MLXIP: variants seen among roughly 807,000 people sequenced by gnomAD.
MLXIP encodes MLX-interacting protein.
In MLXIP, 30 loss-of-function variants were observed where a neutral mutation model predicts 87.2. The observed-to-expected ratio is 0.34, with a 90% CI of 0.26 to 0.47. MLXIP has a LOEUF of 0.47. Ranked by LOEUF, MLXIP falls within the 20% of genes least tolerant of loss-of-function variation. The pLI is 1.00. For missense variants in MLXIP, 1,002 were observed against 1,240.1 expected, an observed-to-expected ratio of 0.81 and a Z score of 2.88; for synonymous variants, 530 against 514.0, an observed-to-expected ratio of 1.03 and a Z score of -0.42.
At chr12:122,117,446 TC>T (rs1952709664) in intron 1 of MLXIP, among the ~76,000 whole-genome samples, 1 of 152,226 alleles carries the variant, frequency 6.6e-6, no homozygotes, top group African/African-American at 2.4e-5. Context: ...CAGGCCCACA[TC>T]CCAGGACTAG....
chr12:122,126,129 G>A (rs746168568), intron 1 of MLXIP, among the ~76,000 whole-genome samples: 20 of 152,152 alleles, frequency 1.3e-4, no homozygotes, highest in Non-Finnish European at 2.2e-4. Context: ...AACCCTATGC[G>A]GGCTGCCCAG....
At chr12:122,124,900 C>T (rs1952855754) in intron 1 of MLXIP, among the ~76,000 whole-genome samples, 1 of 152,090 alleles carries the variant, frequency 6.6e-6, no homozygotes, top group Non-Finnish European at 1.5e-5. Flanking sequence ...GGCTTGGTGG[C>T]TCACGCCTGT....
At chr12:122,134,375 G>T (rs1953044552) in intron 9 of MLXIP, 3 of 201,928 alleles carry the variant, frequency 1.5e-5, no homozygotes, top group Non-Finnish European at 3.0e-5. Context: ...TTGTTTGTTT[G>T]TTTGTTTTTT....
At chr12:122,116,797 G>A (rs1377844893) in intron 1 of MLXIP, among the ~76,000 whole-genome samples, 1 of 152,240 alleles carries the variant, frequency 6.6e-6, no homozygotes, top group African/African-American at 2.4e-5. Context: ...GTCCAGTGTG[G>A]TGGATGTGGT....
intron 1 of MLXIP, among the ~76,000 whole-genome samples, chr12:122,108,387 AAGAC>A (rs1176466758): frequency 3.3e-5 from 5 of 151,654 alleles, no homozygotes; most frequent in African/African-American, 4.8e-5. Context: ...AAAAAAAAAA[AAGAC>A]AGAATTAGAT....
At chr12:122,117,776 T>C (rs990535243) in intron 1 of MLXIP, among the ~76,000 whole-genome samples, 7 of 152,190 alleles carry the variant, frequency 4.6e-5, no homozygotes, top group Admixed American at 4.6e-4. Context: ...CTGTATACAG[T>C]ACATTTTTTT....
At chr12:122,105,681 G>A (rs28972353) in intron 1 of MLXIP, among the ~76,000 whole-genome samples, 3 of 151,898 alleles carry the variant, frequency 2.0e-5, no homozygotes, top group Non-Finnish European at 4.4e-5. Flanking sequence ...GTACAAAAGA[G>A]GTATCTCTCA....
chr12:122,094,895 AGT>A (rs1447361040), intron 1 of MLXIP, among the ~76,000 whole-genome samples: 7 of 101,620 alleles, frequency 6.9e-5, no homozygotes, highest in African/African-American at 4.1e-5. Flanking sequence ...ACGTATGGGG[AGT>A]GTGTGGGTAT....
Position 122,142,103 on chromosome 12 carries a change from C to T in MLXIP, c.*291C>T, listed in dbSNP as rs11836471. On this transcript the variant is annotated 3_prime_UTR_variant, in exon 17 of 17. Coordinates refer to ENST00000319080, the MANE Select transcript of MLXIP (RefSeq NM_014938.6). Reference sequence around the variant, plus strand: ...GCCCACACAAAAGGGAAGTGCTGGCCGTGCTGGTCCTGCCCTGCTGGTGGC... The same window carrying T: ...GCCCACACAAAAGGGAAGTGCTGGCTGTGCTGGTCCTGCCCTGCTGGTGGC... 68 of 697,996 alleles carry T rather than the reference C, an allele frequency of 9.7e-5. No individual in the cohort carries two copies. The highest frequency in any genetic ancestry group is 7.2e-4 in the African/African-American group (41 of 57,288). The allele number at this position is 697,996 out of a possible 1,614,324, so 43.2% of individuals were successfully genotyped here.
Position 122,130,092 on chromosome 12 carries a change from G to C in MLXIP, c.890G>C (p.Trp297Ser), listed in dbSNP as rs1299983341. ...CTTTCTTCACACCAGCCGGTGGCCT[G>C]GCCCAATCCCCGGGAAATAGGTAAC... The part of the protein sequence containing the change: ...STLSSHQPVA[W>S]PNPREIAHLG... The change falls in exon 6 of 17, where the codon TGG becomes TCG. Residue 297 changes from tryptophan to serine, a missense_variant. Transcript: ENST00000319080. The C allele has an allele frequency of 6.2e-7, 1 of 1,613,816 alleles. No homozygotes were observed. The highest frequency in any genetic ancestry group is 1.7e-5 in the Admixed American group (1 of 60,000).
In MLXIP at chr12:122,119,592, C is replaced by T. The variant is rs1486592303; in HGVS notation, c.414-7664C>T. On this transcript the variant is annotated intron_variant, in intron 1 of 16. Coordinates refer to ENST00000319080, the MANE Select transcript of MLXIP (RefSeq NM_014938.6). ...ATTTTTAGTAGAGATGGGGTTTCAC[C>T]GTGTTAGCCAGGATGGTCTCGATCT... Among the ~76,000 whole-genome samples, 5 of 152,150 alleles carry T rather than the reference C, an allele frequency of 3.3e-5. 1 individual carries two copies. The South Asian group carries it at 8.3e-4, about 25-fold the overall frequency.
chr12:122,118,318 G>T lies in MLXIP; in HGVS notation c.414-8938G>T, dbSNP rs1403700712. ...ATTTTCAGACAGCGGTTGATCATGG[G>T]TAAAGCACAATACCGCAGAAAAGGG... On this transcript the variant is annotated intron_variant, in intron 1 of 16. Coordinates refer to ENST00000319080, the MANE Select transcript of MLXIP (RefSeq NM_014938.6). Among the ~76,000 whole-genome samples, 3 of 152,324 alleles carry T rather than the reference G, an allele frequency of 2.0e-5. No individual in the cohort carries two copies. In the South Asian group the frequency reaches 6.2e-4, roughly 32 times the overall value.
At chr12:122,130,290 G>A (rs546301516) in intron 6 of MLXIP, 178 bp downstream of exon 6, 34 of 226,454 alleles carry the variant, frequency 1.5e-4, no homozygotes, top group Middle Eastern at 2.0e-3. Context: ...CGCACGTACC[G>A]AGTGGGTGGG....
rs763412914 is a variant in MLXIP, at chr12:122,130,943, A to G, written c.1000+10A>G. On this transcript the variant is annotated intron_variant, in intron 7 of 16. Transcript: ENST00000319080. ...TTTGAGCCTTTCCAGGGTGAGGACCAGAGGCAGAGAGAGCACGGTTGCCTC... is the reference window on the plus strand; with the variant it reads ...TTTGAGCCTTTCCAGGGTGAGGACCGGAGGCAGAGAGAGCACGGTTGCCTC... The G allele has an allele frequency of 6.3e-7, 1 of 1,587,934 alleles. No individual in the cohort carries two copies.
chr12:122,091,038 G>A (rs1302027601), intron 1 of MLXIP, among the ~76,000 whole-genome samples: 3 of 152,106 alleles, frequency 2.0e-5, no homozygotes, highest in African/African-American at 4.8e-5. Flanking sequence ...TTAGGGTGGC[G>A]ATGGTTACAT....
rs1173711241 is a variant in MLXIP at position 122,113,681 on chromosome 12, C to CTTT, written c.414-13556_414-13554dup. ...ACAGTCCATATAACTGCCTTCATTT[C>CTTT]TTTTTTTTTTTTTTTTTTTTTGAGA... is the stretch of plus-strand genomic sequence containing the variant. On this transcript the variant is annotated intron_variant, in intron 1 of 16. Transcript: ENST00000319080. Among the ~76,000 whole-genome samples, 59 of 100,696 alleles carry CTTT rather than the reference C, an allele frequency of 5.9e-4. 9 individuals carry two copies. Among genetic ancestry groups the CTTT allele is most frequent in the African/African-American group, 1.7e-3 (41 of 24,780 alleles). 66.1% of individuals were successfully genotyped at this position (100,696 alleles called of 152,430 possible).
intron 3 of MLXIP, 114 bp from the exon 4 acceptor site, chr12:122,129,023 T>G (rs1593106051): frequency 1.3e-6 from 1 of 796,754 alleles, no homozygotes; most frequent in African/African-American, 1.7e-5. Context: ...CACTGTGGGG[T>G]TTCCCGCTGG....
In MLXIP at chr12:122,126,376, G is replaced by A. The variant is rs146317017; in HGVS notation, c.414-880G>A. 4.9e-3 allele frequency among the ~76,000 whole-genome samples: 753 copies of A among 152,332 alleles called. 13 individuals carry two copies. Among genetic ancestry groups the A allele is most frequent in the Admixed American group, 0.016 (240 of 15,308 alleles). On this transcript the variant is annotated intron_variant, in intron 1 of 16. Transcript: ENST00000319080. ...CCCGTGAGACCGTCCCCGAGTGGAG[G>A]AGAGCAGAGGGGCCCTGAAGGAATC...
intron 1 of MLXIP, among the ~76,000 whole-genome samples, chr12:122,120,054 C>CG (rs1225873564): frequency 6.6e-6 from 1 of 152,204 alleles, no homozygotes; most frequent in Non-Finnish European, 1.5e-5. Flanking sequence ...AAGGTGGATA[C>CG]GACCTGTGTC....
Sources: gnomAD v4.1 joint callset for allele counts (sites outside exome capture counted in the v4.1 genomes callset) on GRCh38, gnomAD v4.1.1 for gene constraint, MANE v1.5 for transcripts, NCBI Gene and HGNC (gene_info 2026-07-23, HGNC 2026-07-21) for gene names.